AGFG1: variants seen among roughly 807,000 people sequenced by gnomAD.
AGFG1 encodes the protein arf-GAP domain and FG repeat-containing protein 1.
In AGFG1, 10 loss-of-function variants were observed where a neutral mutation model predicts 60.6. That is an observed-to-expected ratio of 0.16 (90% CI 0.10 to 0.28). The LOEUF is 0.28. AGFG1 is among the 10% of genes least tolerant of loss of function. The pLI, the probability that AGFG1 is intolerant of heterozygous loss-of-function variation, is 1.00. For synonymous variants in AGFG1, 247 were observed against 242.9 expected (o/e 1.02, Z -0.16); for missense variants, 537 against 676.5 (o/e 0.79, Z 2.29).
At chr2:227,547,319 C>T (rs1367023312) in intron 10 of AGFG1, among the ~76,000 whole-genome samples, 1 of 152,036 alleles carries the variant, frequency 6.6e-6, no homozygotes, top group Non-Finnish European at 1.5e-5. Flanking sequence ...TATAGAATTG[C>T]TGCTGATTTG....
chr2:227,503,274 C>G (rs575416988), intron 2 of AGFG1, among the ~76,000 whole-genome samples: 4 of 151,346 alleles, frequency 2.6e-5, no homozygotes, highest in African/African-American at 9.7e-5. Context: ...CGTATAATTA[C>G]GGGTTATATG....
chr2:227,495,146 C>T (rs908548097), intron 2 of AGFG1, among the ~76,000 whole-genome samples: 4 of 152,060 alleles, frequency 2.6e-5, no homozygotes, highest in Admixed American at 1.3e-4. Context: ...CGCATTGGAG[C>T]ACTTTGTATT....
At chr2:227,514,296 C>T (rs924714567) in intron 2 of AGFG1, among the ~76,000 whole-genome samples, 11 of 152,208 alleles carry the variant, frequency 7.2e-5, no homozygotes, top group African/African-American at 2.2e-4. Flanking sequence ...ACTGCACCTT[C>T]TGCCTCCCGG....
intron 8 of AGFG1, among the ~76,000 whole-genome samples, chr2:227,535,665 ATC>A (rs1449469065): frequency 3.3e-5 from 5 of 152,172 alleles, no homozygotes; most frequent in Non-Finnish European, 7.4e-5. Context: ...TGTTTTATTC[ATC>A]TCTGTTTTCC....
chr2:227,550,008 A>G (rs1346066936), intron 10 of AGFG1: 2 of 437,150 alleles, frequency 4.6e-6, no homozygotes, highest in Non-Finnish European at 9.4e-6. Context: ...TATTTTAACA[A>G]TAGTTATCTA....
At chr2:227,484,994 G>T (rs1160735696) in intron 1 of AGFG1, among the ~76,000 whole-genome samples, 1 of 152,040 alleles carries the variant, frequency 6.6e-6, no homozygotes, top group African/African-American at 2.4e-5. Context: ...ACACACATAA[G>T]CCACCGTACC....
chr2:227,477,315 AAAG>A (rs1690314789), intron 1 of AGFG1, among the ~76,000 whole-genome samples: 1 of 152,260 alleles, frequency 6.6e-6, no homozygotes, highest in South Asian at 2.1e-4. Context: ...TATTGAAAAA[AAAG>A]AAAAAACTAT....
intron 4 of AGFG1, among the ~76,000 whole-genome samples, chr2:227,524,236 G>A (rs557633933): frequency 6.6e-6 from 1 of 152,108 alleles, no homozygotes; most frequent in Non-Finnish European, 1.5e-5. Context: ...TATACAATTT[G>A]TAAAACATGA....
rs1310543988 is a variant in AGFG1 at position 227,558,605 on chromosome 2, A to T, written c.*4110A>T. The stretch of plus-strand genomic sequence containing the variant: ...CCTGTTGTATTCATCCTCATTAGTT[A>T]AGTTTTTCTTTTTATGTTTTAAAAC... On this transcript the variant is annotated 3_prime_UTR_variant, in exon 13 of 13. Transcript: ENST00000310078. The T allele has an allele frequency of 6.6e-6, 1 of 152,140 alleles. No homozygotes were observed. The highest frequency in any genetic ancestry group is 2.4e-5 in the African/African-American group (1 of 41,412). The allele number at this position is 152,140 out of a possible 1,614,324, so 9.4% of individuals were successfully genotyped here. A position where few individuals can be genotyped will look rare whatever the true frequency, so the allele number is the denominator to read the frequency against.
At chr2:227,477,823 T>C (rs1285949339) in intron 1 of AGFG1, among the ~76,000 whole-genome samples, 1 of 152,108 alleles carries the variant, frequency 6.6e-6, no homozygotes, top group East Asian at 1.9e-4. Context: ...TTGGCCAGGC[T>C]GGTCTTGAAC....
intron 2 of AGFG1, among the ~76,000 whole-genome samples, chr2:227,500,613 A>C (rs1438010880): frequency 1.3e-5 from 2 of 152,210 alleles, no homozygotes; most frequent in African/African-American, 4.8e-5. Context: ...TTCCAAATAC[A>C]TAAAAGTTGA....
chr2:227,473,400 A>G lies in AGFG1; in HGVS notation c.167+812A>G, dbSNP rs188344154. On this transcript the variant is annotated intron_variant, in intron 1 of 12. Coordinates refer to ENST00000310078, the MANE Select transcript of AGFG1 (RefSeq NM_004504.5). ...GTGTGATTCTAAATATGATGGAGTT[A>G]TCTGTGAGATTTATCTGTATCTCGC... Among the ~76,000 whole-genome samples the G allele has an allele frequency of 7.2e-5, 11 of 152,210 alleles. No individual in the cohort carries two copies. In the East Asian group the frequency reaches 2.1e-3, roughly 29 times the overall value.
At chr2:227,482,688 A>G (rs190376448) in intron 1 of AGFG1, among the ~76,000 whole-genome samples, 8 of 152,328 alleles carry the variant, frequency 5.3e-5, no homozygotes, top group Non-Finnish European at 7.3e-5. Context: ...AAGCTTTCCT[A>G]CTTACTCATC....
chr2:227,558,527 T>C lies in AGFG1; in HGVS notation c.*4032T>C, dbSNP rs1693044679. 6.6e-6 allele frequency: 1 copy of C among 152,204 alleles called. No homozygotes were observed. The highest frequency in any genetic ancestry group is 6.5e-5 in the Admixed American group (1 of 15,278). 9.4% of individuals were successfully genotyped at this position (152,204 alleles called of 1,614,324 possible). A position where few individuals can be genotyped will look rare whatever the true frequency, so the allele number is the denominator to read the frequency against. ...ACCTTTATTGATACAGTTTGTGGCC[T>C]ATACACTTTTAAAATTTATTTTTTA... is the stretch of plus-strand genomic sequence containing the variant. On this transcript the variant is annotated 3_prime_UTR_variant, in exon 13 of 13. Transcript: ENST00000310078.
intron 2 of AGFG1, among the ~76,000 whole-genome samples, chr2:227,506,398 TTTC>T (rs1157584283): frequency 1.3e-5 from 2 of 151,934 alleles, no homozygotes; most frequent in Non-Finnish European, 2.9e-5. Context: ...TGGTACCTAT[TTTC>T]TTTCTCTGGC....
At position 227,515,800 on chromosome 2, in the gene AGFG1, T is replaced by TA. The variant is rs1435749676; in HGVS notation, c.262-4142dup. On this transcript the variant is annotated intron_variant, in intron 2 of 12. Transcript: ENST00000310078. ...TTTCAGTTGATGGTGTTTATTTTAG[T>TA]AAAAAACCAAAACAAGCAGAAAAGA... Among the ~76,000 whole-genome samples the TA allele has an allele frequency of 1.2e-4, 18 of 151,980 alleles. 1 individual carries two copies. The highest frequency in any genetic ancestry group is 1.2e-3 in the Admixed American group (18 of 15,240).
intron 10 of AGFG1, among the ~76,000 whole-genome samples, chr2:227,546,369 G>A (rs1301046811): frequency 2.0e-5 from 3 of 152,334 alleles, no homozygotes; most frequent in Middle Eastern, 3.4e-3. Context: ...GGAGTGTCCC[G>A]ATTTTCCAGG....
chr2:227,480,750 C>A (rs1243320090), intron 1 of AGFG1, among the ~76,000 whole-genome samples: 1 of 152,166 alleles, frequency 6.6e-6, no homozygotes, highest in Non-Finnish European at 1.5e-5. Context: ...TGCTCTGTTT[C>A]CAGGACCCCC....
chr2:227,482,407 T>C (rs561420494), intron 1 of AGFG1, among the ~76,000 whole-genome samples: 2 of 152,216 alleles, frequency 1.3e-5, no homozygotes, highest in Non-Finnish European at 2.9e-5. Flanking sequence ...AGCCAACATA[T>C]ACGGTGTCTT....
Sources: gnomAD v4.1 joint callset for allele counts (sites outside exome capture counted in the v4.1 genomes callset) on GRCh38, gnomAD v4.1.1 for gene constraint, MANE v1.5 for transcripts, NCBI Gene and HGNC (gene_info 2026-07-23, HGNC 2026-07-21) for gene names.